ITGA2: variants seen among roughly 807,000 people sequenced by gnomAD.
ITGA2 encodes integrin alpha-2.
ITGA2 carries 101 observed loss-of-function variants against 146.3 expected under a neutral mutation model. The ratio of observed to expected loss-of-function variants is 0.69; its 90% CI spans 0.59 to 0.81. The LOEUF is 0.81. Ranked by LOEUF, ITGA2 falls within the 40% of genes least tolerant of loss-of-function variation. ITGA2 has a pLI of 0.00. For missense variants in ITGA2, 1,281 were observed against 1,402.7 expected (o/e 0.91, Z 1.39); for synonymous variants, 477 against 487.1 (o/e 0.98, Z 0.27).
intron 13 of ITGA2, among the ~76,000 whole-genome samples, chr5:53,063,473 A>G (rs907892484): frequency 6.6e-6 from 1 of 151,870 alleles, no homozygotes; most frequent in Non-Finnish European, 1.5e-5. Flanking sequence ...AAAAAACACC[A>G]TACATTAACA....
intron 1 of ITGA2, among the ~76,000 whole-genome samples, chr5:53,019,012 G>A (rs1026276979): frequency 5.3e-5 from 8 of 151,978 alleles, no homozygotes; most frequent in South Asian, 2.1e-4. Context: ...TGCAGTGAGC[G>A]GAGATCGTGC....
At chr5:53,077,681 G>T (rs1276185987) in intron 23 of ITGA2, among the ~76,000 whole-genome samples, 1 of 151,914 alleles carries the variant, frequency 6.6e-6, no homozygotes, top group Non-Finnish European at 1.5e-5. Flanking sequence ...ACAAATCATT[G>T]TTTCCTCTCA....
chr5:53,032,896 C>T (rs1743290021), intron 2 of ITGA2, among the ~76,000 whole-genome samples: 1 of 152,182 alleles, frequency 6.6e-6, no homozygotes, highest in African/African-American at 2.4e-5. Context: ...GGGAAAGTCA[C>T]ACAACTTCTC....
chr5:53,055,982 AGGTTCTTG>A lies in ITGA2; in HGVS notation c.933_940del (p.Gly313LysfsTer6). The stretch of plus-strand genomic sequence containing the variant: ...TGCACATTCTCTTCCTCTATTTTCA[AGGTTCTTG>A]GGTACTTAAACAGAAACGCCCTTGA... On this transcript the variant is annotated splice_acceptor_variant and coding_sequence_variant, in exon 9 of 30. Coordinates refer to ENST00000296585, the MANE Select transcript of ITGA2 (RefSeq NM_002203.4). LOFTEE classifies it high-confidence loss of function. The A allele has an allele frequency of 6.2e-7, 1 of 1,608,336 alleles. No homozygotes were observed. The highest frequency in any genetic ancestry group is 2.2e-5 in the East Asian group (1 of 44,696).
At chr5:53,053,919 T>C (rs1477483425) in intron 7 of ITGA2, among the ~76,000 whole-genome samples, 1 of 152,188 alleles carries the variant, frequency 6.6e-6, no homozygotes, top group Non-Finnish European at 1.5e-5. Context: ...TAAAACTAAA[T>C]GAGACACAGT....
At chr5:53,084,027 A>G (rs1746041325) in intron 27 of ITGA2, among the ~76,000 whole-genome samples, 1 of 152,146 alleles carries the variant, frequency 6.6e-6, no homozygotes, top group African/African-American at 2.4e-5. Flanking sequence ...CTCAATCCCC[A>G]TGAAAGTTTG....
chr5:53,074,165 G>C (rs1427547093), intron 20 of ITGA2, among the ~76,000 whole-genome samples: 1 of 151,810 alleles, frequency 6.6e-6, no homozygotes, highest in Non-Finnish European at 1.5e-5. Flanking sequence ...TCTTTTCTTT[G>C]TTTTGTTGGA....
Position 53,078,809 on chromosome 5 carries a change from G to A in ITGA2, c.2863G>A (p.Gly955Arg). 1 of 1,611,202 alleles carries A rather than the reference G, an allele frequency of 6.2e-7. No individual in the cohort carries two copies. ...AAATTTTTATGAAATCTCTTCGGAT[G>A]GGAATGTTCCTTCAATCGTGCACAG... The part of the protein sequence containing the change: ...NINFYEISSD[G>R]NVPSIVHSFE... The change falls in exon 24 of 30, where the codon GGG becomes AGG. Residue 955 changes from glycine to arginine, a missense_variant. Physicochemically the swap from Gly to Arg is moderately radical, Grantham distance 125. Coordinates refer to ENST00000296585, the MANE Select transcript of ITGA2 (RefSeq NM_002203.4).
In ITGA2 at chr5:53,093,538, C is replaced by A. The variant is rs7700416; in HGVS notation, c.*2939C>A. ...ACCCGATGCCAGAGCATGCTCCCCC[C>A]GCAGTCATGACAATCAAAAAATGTC... is the stretch of plus-strand genomic sequence containing the variant. On this transcript the variant is annotated 3_prime_UTR_variant, in exon 30 of 30. Transcript: ENST00000296585. The A allele has an allele frequency of 6.6e-6, 1 of 152,044 alleles. No individual in the cohort carries two copies. The highest frequency in any genetic ancestry group is 1.5e-5 in the Non-Finnish European group (1 of 68,028). 9.4% of individuals were successfully genotyped at this position (152,044 alleles called of 1,614,324 possible).
intron 1 of ITGA2, among the ~76,000 whole-genome samples, chr5:52,996,369 A>C (rs1741253453): frequency 6.6e-6 from 1 of 152,204 alleles, no homozygotes; most frequent in Non-Finnish European, 1.5e-5. Flanking sequence ...GGATATTATC[A>C]GAGAGAAAGG....
chr5:52,989,448 G>C lies in ITGA2; in HGVS notation c.-21G>C. The C allele has an allele frequency of 1.2e-6, 2 of 1,613,756 alleles. No homozygotes were observed. Among genetic ancestry groups the C allele is most frequent in the South Asian group, 1.1e-5 (1 of 91,076 alleles). On this transcript the variant is annotated 5_prime_UTR_variant, in exon 1 of 30. Transcript: ENST00000296585. ...ACCTCTGCAAACCCAGCGCAACTAC[G>C]GTCCCCCGGTCAGACCCAGGATGGG...
chr5:53,087,284 G>A (rs1456376125), intron 28 of ITGA2, among the ~76,000 whole-genome samples: 3 of 152,088 alleles, frequency 2.0e-5, no homozygotes, highest in South Asian at 2.1e-4. Flanking sequence ...TTTCCTAGAG[G>A]TGGTGATCCA....
chr5:53,018,364 G>A (rs572730124), intron 1 of ITGA2, among the ~76,000 whole-genome samples: 7 of 152,176 alleles, frequency 4.6e-5, no homozygotes, highest in East Asian at 1.9e-4. Flanking sequence ...CGTGAGTTCC[G>A]CTGCTAGGAT....
intron 1 of ITGA2, among the ~76,000 whole-genome samples, chr5:53,025,596 A>G (rs950423413): frequency 6.6e-6 from 1 of 152,228 alleles, no homozygotes; most frequent in Admixed American, 6.5e-5. Flanking sequence ...CCTGAAATGC[A>G]GAGGCGCAAT....
intron 28 of ITGA2, among the ~76,000 whole-genome samples, chr5:53,088,071 A>C (rs922073543): frequency 6.6e-6 from 1 of 152,214 alleles, no homozygotes; most frequent in African/African-American, 2.4e-5. Context: ...CTCTCTTCAG[A>C]CACTGGGGCC....
intron 25 of ITGA2, 55 bp from the exon 26 acceptor site, chr5:53,081,537 G>C (rs1745915004): frequency 5.3e-6 from 7 of 1,330,998 alleles, no homozygotes; most frequent in Non-Finnish European, 6.4e-6. Flanking sequence ...ATGTTGAAAG[G>C]AACATCATAA....
chr5:53,032,817 T>C (rs2111842795), intron 2 of ITGA2, among the ~76,000 whole-genome samples: 1 of 152,266 alleles, frequency 6.6e-6, no homozygotes, highest in Admixed American at 6.5e-5. Context: ...ATTTCTTGTA[T>C]GAATATACTC....
intron 1 of ITGA2, among the ~76,000 whole-genome samples, chr5:53,000,098 ATAT>A (rs1271499934): frequency 6.6e-6 from 1 of 152,128 alleles, no homozygotes; most frequent in Non-Finnish European, 1.5e-5. Flanking sequence ...TATACAATAC[ATAT>A]TATTTTGTTT....
intron 16 of ITGA2, among the ~76,000 whole-genome samples, chr5:53,069,558 A>G (rs927312293): frequency 3.3e-5 from 5 of 151,958 alleles, no homozygotes; most frequent in African/African-American, 1.2e-4. Flanking sequence ...CAGAAAGAAT[A>G]TGAGCTCTTA....
Sources: gnomAD v4.1 joint callset for allele counts (sites outside exome capture counted in the v4.1 genomes callset) on GRCh38, gnomAD v4.1.1 for gene constraint, MANE v1.5 for transcripts, NCBI Gene and HGNC (gene_info 2026-07-23, HGNC 2026-07-21) for gene names.